CELSR1: variants seen among roughly 807,000 people sequenced by gnomAD.
CELSR1 encodes adhesion G protein-coupled receptor C1.
A neutral mutation model predicts 249.1 loss-of-function variants in CELSR1; 110 were observed. The ratio of observed to expected loss-of-function variants is 0.44; its 90% CI spans 0.38 to 0.52. CELSR1 has a LOEUF of 0.52. Among genes scored for constraint, CELSR1 ranks in the 20% least tolerant of loss-of-function variants. The probability of loss-of-function intolerance (pLI) is 0.00; values close to 1 mark genes in which losing one functional copy is unlikely to be tolerated. For missense variants in CELSR1, 4,109 were observed against 4,296.4 expected, an observed-to-expected ratio of 0.96 and a Z score of 1.22; for synonymous variants, 2,113 against 1,900.0, an observed-to-expected ratio of 1.11 and a Z score of -2.92.
rs756055741 is a variant in CELSR1 at position 46,403,971 on chromosome 22, CAAAAAAA to C, written c.5227-4076_5227-4070del. ...CTGGTGACAGAGTGAAACTCCGTCT[CAAAAAAA>C]AAAAAAAAAAAAGAAAAAAAGAAAA... On this transcript the variant is annotated intron_variant, in intron 9 of 34. Transcript: ENST00000674500. 3.9e-4 allele frequency among the ~76,000 whole-genome samples: 19 copies of C among 48,420 alleles called. No individual in the cohort carries two copies. The South Asian group carries it at 7.1e-3, about 18-fold the overall frequency. 31.8% of individuals were successfully genotyped at this position (48,420 alleles called of 152,430 possible).
intron 1 of CELSR1, among the ~76,000 whole-genome samples, chr22:46,493,061 T>A (rs73178848): frequency 6.6e-6 from 1 of 151,550 alleles, no homozygotes; most frequent in Non-Finnish European, 1.5e-5. Flanking sequence ...CTGGGAAACA[T>A]AGCCAGATCC....
chr22:46,455,490 A>T (rs1376533260), intron 2 of CELSR1, among the ~76,000 whole-genome samples: 2 of 152,172 alleles, frequency 1.3e-5, no homozygotes, highest in African/African-American at 2.4e-5. Flanking sequence ...TCGGCCTCCC[A>T]AAGTGATAGG....
chr22:46,514,426 T>C (rs2080605614), intron 1 of CELSR1, among the ~76,000 whole-genome samples: 1 of 151,654 alleles, frequency 6.6e-6, no homozygotes, highest in Non-Finnish European at 1.5e-5. Context: ...AGGGCTGGAG[T>C]CAGGTCCACC....
chr22:46,443,834 G>C lies in CELSR1; in HGVS notation c.4184-4423C>G, dbSNP rs140236006. Among the ~76,000 whole-genome samples the C allele has an allele frequency of 2.1e-3, 315 of 152,310 alleles. 2 individuals are homozygous for C. The highest frequency in any genetic ancestry group is 4.0e-3 in the Admixed American group (61 of 15,298). On this transcript the variant is annotated intron_variant, in intron 2 of 34. Coordinates refer to ENST00000674500, the MANE Select transcript of CELSR1 (RefSeq NM_001378328.1). Reference sequence around the variant, plus strand: ...CGTTCACGGGAGGTGTGACGCTTAAGGTATATTTCTCCTCCTTTGGACACT... The same window carrying C: ...CGTTCACGGGAGGTGTGACGCTTAACGTATATTTCTCCTCCTTTGGACACT...
In CELSR1 at chr22:46,537,541, G is replaced by T. The variant is rs1324565532; in HGVS notation, c.-371C>A. 6.8e-6 allele frequency among the ~76,000 whole-genome samples: 1 copy of T among 147,802 alleles called. No homozygotes were observed. The highest frequency in any genetic ancestry group is 6.7e-5 in the Admixed American group (1 of 14,892). On this transcript the variant is annotated 5_prime_UTR_variant, in exon 1 of 35. Transcript: ENST00000674500. This position sits in a 1 kb window ranked among gnomAD's most constrained non-coding sequence, Gnocchi z 5.8. Reference sequence around the variant, plus strand: ...GCGGGGCGGGCCCGGCGCGGGGCGGGGGCTGAGTTCCCGGAGCGGGCTGGG... The same window carrying T: ...GCGGGGCGGGCCCGGCGCGGGGCGGTGGCTGAGTTCCCGGAGCGGGCTGGG...
chr22:46,390,033 A>C lies in CELSR1; in HGVS notation c.6345+359T>G, dbSNP rs1024063975. 2.6e-5 allele frequency among the ~76,000 whole-genome samples: 4 copies of C among 152,326 alleles called. No individual in the cohort carries two copies. The highest frequency in any genetic ancestry group is 9.6e-5 in the African/African-American group (4 of 41,580). The stretch of plus-strand genomic sequence containing the variant: ...CATGGAAACGAGGGTCTGGTGGGCC[A>C]AAGAGGGCTCAGAGAAAGATAGCGA... On this transcript the variant is annotated intron_variant, in intron 17 of 34. Transcript: ENST00000674500. This position sits in a 1 kb window ranked among gnomAD's most constrained non-coding sequence, Gnocchi z 6.3.
chr22:46,517,486 A>C lies in CELSR1; in HGVS notation c.3544+16141T>G, dbSNP rs1188424142. Among the ~76,000 whole-genome samples, 1 of 152,134 alleles carries C rather than the reference A, an allele frequency of 6.6e-6. No homozygotes were observed. Among genetic ancestry groups the C allele is most frequent in the African/African-American group, 2.4e-5 (1 of 41,450 alleles). ...GGCGGTATCTGGAGGGTAGAACCAC[A>C]ATGGCTGATGTGCACTGTCCCGGCG... is the stretch of plus-strand genomic sequence containing the variant. On this transcript the variant is annotated intron_variant, in intron 1 of 34. Transcript: ENST00000674500. This position sits in a 1 kb window ranked among gnomAD's most constrained non-coding sequence, Gnocchi z 5.4.
At chr22:46,432,265 G>A (rs1211842427) in intron 5 of CELSR1, among the ~76,000 whole-genome samples, 1 of 152,236 alleles carries the variant, frequency 6.6e-6, no homozygotes, top group Non-Finnish European at 1.5e-5. Context: ...CAGTGGAGGC[G>A]ACACTACGAC....
chr22:46,535,104 C>T lies in CELSR1; in HGVS notation c.2067G>A (p.Gln689=), dbSNP rs1248663838. The change falls in exon 1 of 35, where the codon CAG becomes CAA. Residue 689 remains glutamine, a synonymous_variant. Coordinates refer to ENST00000674500, the MANE Select transcript of CELSR1 (RefSeq NM_001378328.1). The part of the protein sequence containing the change: ...DVNDNDPVFT[Q]PTYELRLNED... ...CATTCAGACGAAGCTCGTAGGTGGG[C>T]TGCGTGAACACCGGGTCGTTGTCAT... 1 of 1,611,900 alleles carries T rather than the reference C, an allele frequency of 6.2e-7. No homozygotes were observed. The highest frequency in any genetic ancestry group is 1.3e-5 in the African/African-American group (1 of 74,922).
At chr22:46,367,391 C>T (rs1325506459) in intron 28 of CELSR1, among the ~76,000 whole-genome samples, 2 of 152,252 alleles carry the variant, frequency 1.3e-5, no homozygotes, top group Non-Finnish European at 2.9e-5. Context: ...ACTCCTTCCA[C>T]AGTCCTTGGG....
intron 11 of CELSR1, 122 bp from the exon 12 acceptor site, chr22:46,397,970 A>G (rs2147278681): frequency 3.4e-6 from 3 of 874,356 alleles, no homozygotes; most frequent in South Asian, 3.0e-5. Context: ...ATTTATCTAC[A>G]GAGCTGGGGC....
rs544516333 is a variant in CELSR1, at chr22:46,434,557, A to G, written c.4523-1076T>C. ...CTGTTACAGGTGCCTCCCTTTCTTT[A>G]TTGAGTATAGAAAACAAAGCTCCAT... On this transcript the variant is annotated intron_variant, in intron 4 of 34. Transcript: ENST00000674500. This position sits in a 1 kb window ranked among gnomAD's most constrained non-coding sequence, Gnocchi z 4.9. Among the ~76,000 whole-genome samples the G allele has an allele frequency of 2.0e-4, 31 of 152,254 alleles. 1 individual carries two copies. In the South Asian group the frequency reaches 6.0e-3, roughly 30 times the overall value.
rs998211044 is a variant in CELSR1, at chr22:46,381,309, G to A, written c.7089-354C>T. On this transcript the variant is annotated intron_variant, in intron 21 of 34. Transcript: ENST00000674500. This position sits in a 1 kb window ranked among gnomAD's most constrained non-coding sequence, Gnocchi z 6.0. ...GACACCAAAATAATGGCAGCTCATG[G>A]GGATGAATCACCCAGTCACTGAGAA... Among the ~76,000 whole-genome samples the A allele has an allele frequency of 6.6e-6, 1 of 152,224 alleles. No homozygotes were observed. The highest frequency in any genetic ancestry group is 2.4e-5 in the African/African-American group (1 of 41,460).
rs2079302986 is a variant in CELSR1 at position 46,409,243 on chromosome 22, C to G, written c.5060-81G>C. 2 of 1,479,512 alleles carry G rather than the reference C, an allele frequency of 1.4e-6. No individual in the cohort carries two copies. Among genetic ancestry groups the G allele is most frequent in the Admixed American group, 3.8e-5 (2 of 52,768 alleles). 91.6% of individuals were successfully genotyped at this position (1,479,512 alleles called of 1,614,324 possible). Reference sequence around the variant, plus strand: ...CTTGGCTGCAGGGGCGGGGGATGGGCCTGCAGGCTAGGCCTGGGCCTTTTT... The same window carrying G: ...CTTGGCTGCAGGGGCGGGGGATGGGGCTGCAGGCTAGGCCTGGGCCTTTTT... On this transcript the variant is annotated intron_variant, in intron 8 of 34. Coordinates refer to ENST00000674500, the MANE Select transcript of CELSR1 (RefSeq NM_001378328.1). The surrounding 1 kb of genome is among the most constrained non-coding windows in gnomAD (Gnocchi z 9.8).
chr22:46,480,131 C>T (rs1377434405), intron 1 of CELSR1, among the ~76,000 whole-genome samples: 1 of 152,230 alleles, frequency 6.6e-6, no homozygotes, highest in Admixed American at 6.5e-5. Flanking sequence ...AAATCCCCTT[C>T]TCTTCACGGG....
chr22:46,394,097 T>G (rs2079123176), intron 14 of CELSR1, 45 bp downstream of exon 14: 2 of 1,595,576 alleles, frequency 1.3e-6, no homozygotes, highest in Middle Eastern at 1.7e-4. Flanking sequence ...TGTGCATGTG[T>G]GTGAGCAAAC....
intron 5 of CELSR1, among the ~76,000 whole-genome samples, chr22:46,414,321 C>T (rs1421852177): frequency 2.0e-5 from 3 of 152,188 alleles, no homozygotes; most frequent in East Asian, 1.9e-4. Context: ...GCGAAAGAGC[C>T]GAATGTTCTC....
chr22:46,489,860 A>G (rs1459905423), intron 1 of CELSR1, among the ~76,000 whole-genome samples: 1 of 149,112 alleles, frequency 6.7e-6, no homozygotes, highest in Non-Finnish European at 1.5e-5. Context: ...GCGCCACTGC[A>G]CTCCAGCCTG....
chr22:46,396,899 C>T lies in CELSR1; in HGVS notation c.5702-153G>A, dbSNP rs2079153762. Among the ~76,000 whole-genome samples, 1 of 152,206 alleles carries T rather than the reference C, an allele frequency of 6.6e-6. No homozygotes were observed. The highest frequency in any genetic ancestry group is 2.4e-5 in the African/African-American group (1 of 41,442). On this transcript the variant is annotated intron_variant, in intron 12 of 34. Transcript: ENST00000674500. The surrounding 1 kb of genome is among the most constrained non-coding windows in gnomAD (Gnocchi z 6.4). ...GAGTGCCACAGAGTCCCCGAAAACA[C>T]AGCGTTAGGCGGGTTAGACTTAGTG...
Sources: allele counts gnomAD v4.1 joint callset (sites outside exome capture counted in the v4.1 genomes callset), GRCh38; gene constraint gnomAD v4.1.1; non-coding constraint Gnocchi (gnomAD v3.1); transcripts MANE v1.5; gene names NCBI Gene and HGNC (gene_info 2026-07-23, HGNC 2026-07-21).